Variants in CLEC16A observed in about 807,000 individuals in gnomAD.
CLEC16A encodes C-type lectin domain containing 16A.
A neutral mutation model predicts 109.5 loss-of-function variants in CLEC16A; 51 were observed. The ratio of observed to expected loss-of-function variants is 0.47; its 90% confidence interval spans 0.37 to 0.59. The LOEUF (loss-of-function observed/expected upper bound fraction) is 0.59. Ranked by LOEUF, CLEC16A falls within the 20% of genes least tolerant of loss-of-function variation. CLEC16A has a pLI of 0.00. For synonymous variants in CLEC16A, 673 were observed against 564.2 expected (o/e 1.19, Z -2.73); for missense variants, 1,339 against 1,394.0 (o/e 0.96, Z 0.63).
rs1022818452 is a variant in CLEC16A, at chr16:11,174,868, A to G, written c.2807-3467A>G. ...CTCCCTTTCTGAGTGGCACCCACACAGCAGTGAGGCTGATCCATGGGCCAC... is the reference window on the plus strand; with the variant it reads ...CTCCCTTTCTGAGTGGCACCCACACGGCAGTGAGGCTGATCCATGGGCCAC... On this transcript the variant is annotated intron_variant, in intron 23 of 23. Transcript: ENST00000409790. This position sits in a 1 kb window ranked among gnomAD's most constrained non-coding sequence, Gnocchi z 4.7. Among the ~76,000 whole-genome samples, 2 of 152,338 alleles carry G rather than the reference A, an allele frequency of 1.3e-5. No individual in the cohort carries two copies. Among genetic ancestry groups the G allele is most frequent in the Non-Finnish European group, 2.9e-5 (2 of 68,034 alleles).
At chr16:11,130,696 C>G (rs1217728225) in intron 22 of CLEC16A, among the ~76,000 whole-genome samples, 1 of 152,196 alleles carries the variant, frequency 6.6e-6, no homozygotes, top group African/African-American at 2.4e-5. Flanking sequence ...CACTTCCCAC[C>G]CTCCACAATG....
intron 11 of CLEC16A, among the ~76,000 whole-genome samples, chr16:11,012,362 G>A (rs1349826923): frequency 1.3e-5 from 2 of 152,184 alleles, no homozygotes; most frequent in Non-Finnish European, 2.9e-5. Flanking sequence ...TTGGGAGGCC[G>A]AGGTGGGCGG....
chr16:10,971,287 C>G, intron 5 of CLEC16A, 57 bp downstream of exon 5: 1 of 1,256,926 alleles, frequency 8.0e-7, no homozygotes, highest in Non-Finnish European at 1.2e-6. Flanking sequence ...AGCAAGCACT[C>G]ACTCCCGTGT....
chr16:11,020,540 C>G lies in CLEC16A; in HGVS notation c.1436+215C>G, dbSNP rs560958985. ...ATGCTCACTCCTTTGCAAAGAGATT[C>G]GCCAGGATAGCGCAACTCTCTCCCT... is the stretch of plus-strand genomic sequence containing the variant. On this transcript the variant is annotated intron_variant, in intron 12 of 23. Transcript: ENST00000409790. Among the ~76,000 whole-genome samples the G allele has an allele frequency of 7.8e-5, 10 of 128,134 alleles. No homozygotes were observed. In the South Asian group the frequency reaches 2.4e-3, roughly 31 times the overall value. The allele number at this position is 128,134 out of a possible 152,430, so 84.1% of individuals were successfully genotyped here. A position where few individuals can be genotyped will look rare whatever the true frequency, so the allele number is the denominator to read the frequency against.
intron 11 of CLEC16A, among the ~76,000 whole-genome samples, chr16:11,010,894 A>G (rs1210659846): frequency 6.6e-6 from 1 of 152,088 alleles, no homozygotes; most frequent in East Asian, 1.9e-4. Flanking sequence ...TTCTAATAAA[A>G]CGTCCTTCAT....
At chr16:11,155,241 A>G (rs775221052) in intron 22 of CLEC16A, among the ~76,000 whole-genome samples, 1 of 151,980 alleles carries the variant, frequency 6.6e-6, no homozygotes, top group Non-Finnish European at 1.5e-5. Context: ...AGATTGCGTT[A>G]ATGCTTTCAT....
In CLEC16A at chr16:11,115,825, A is replaced by G. The variant is rs144200354; in HGVS notation, c.2117-4790A>G. Among the ~76,000 whole-genome samples the G allele has an allele frequency of 4.1e-4, 62 of 152,026 alleles. 1 individual carries two copies. In the East Asian group the frequency reaches 0.012, roughly 28 times the overall value. On this transcript the variant is annotated intron_variant, in intron 19 of 23. Transcript: ENST00000409790. The stretch of plus-strand genomic sequence containing the variant: ...GAACTAAAAATTCATCATAAGATAA[A>G]CATACTATTGTACATTTTATGTTAA...
intron 19 of CLEC16A, among the ~76,000 whole-genome samples, chr16:11,119,526 G>A (rs2052246533): frequency 6.6e-6 from 1 of 152,172 alleles, no homozygotes. Context: ...GAGTGGCTGA[G>A]ACTACAGGTG....
At chr16:11,152,218 T>G (rs946700980) in intron 22 of CLEC16A, among the ~76,000 whole-genome samples, 1 of 152,188 alleles carries the variant, frequency 6.6e-6, no homozygotes, top group African/African-American at 2.4e-5. Flanking sequence ...GTGGAAGCCT[T>G]AGGCCGGTCA....
At chr16:11,033,621 T>A (rs1433525884) in intron 13 of CLEC16A, among the ~76,000 whole-genome samples, 1 of 152,206 alleles carries the variant, frequency 6.6e-6, no homozygotes, top group African/African-American at 2.4e-5. Context: ...CAGCCTCACT[T>A]TTCCAGATCC....
At chr16:10,985,419 G>T (rs528225195) in intron 10 of CLEC16A, among the ~76,000 whole-genome samples, 4 of 151,950 alleles carry the variant, frequency 2.6e-5, no homozygotes, top group Non-Finnish European at 5.9e-5. Context: ...ACGTTTCTAC[G>T]GGAAGCTTCG....
chr16:10,962,665 C>T, intron 3 of CLEC16A, 77 bp downstream of exon 3: 5 of 1,494,308 alleles, frequency 3.3e-6, no homozygotes, highest in Non-Finnish European at 3.7e-6. Context: ...TTTTCTGTGT[C>T]TGCGCTTACT....
Position 11,024,912 on chromosome 16 carries a change from C to G in CLEC16A, c.1528C>G (p.His510Asp). ...FVLCLLYAMS[H>D]NKGMDPEKLE... Reference sequence around the variant, plus strand: ...GCTCTGCCTCCTCTATGCCATGTCTCATAATAAAGGTAAGCACCCTTGCCT... The same window carrying G: ...GCTCTGCCTCCTCTATGCCATGTCTGATAATAAAGGTAAGCACCCTTGCCT... The change falls in exon 13 of 24, where the codon CAT becomes GAT. Residue 510 changes from histidine to aspartate, a missense_variant. This residue lies in a region of CLEC16A where 1,061 missense variants were observed against 1,006.8 expected (regional missense o/e 1.05). Transcript: ENST00000409790. The G allele has an allele frequency of 6.2e-7, 1 of 1,606,490 alleles. No individual in the cohort carries two copies. Among genetic ancestry groups the G allele is most frequent in the Non-Finnish European group, 8.5e-7 (1 of 1,176,270 alleles).
At chr16:11,061,231 C>G (rs2048464507) in intron 19 of CLEC16A, among the ~76,000 whole-genome samples, 1 of 152,212 alleles carries the variant, frequency 6.6e-6, no homozygotes, top group East Asian at 1.9e-4. Flanking sequence ...TTTGAGGGTT[C>G]TGCTTTCACA....
intron 19 of CLEC16A, among the ~76,000 whole-genome samples, chr16:11,104,621 G>A (rs924850524): frequency 1.3e-5 from 2 of 152,170 alleles, no homozygotes; most frequent in Non-Finnish European, 2.9e-5. Flanking sequence ...TCTCTCCAGA[G>A]GGAGGAAGGA....
At position 11,039,774 on chromosome 16, in the gene CLEC16A, G is replaced by C. The variant is rs1441687612; in HGVS notation, c.1558G>C (p.Glu520Gln). ...TCCAGGCATGGATCCTGAAAAATTA[G>C]AGCGAATCCAGCTCCCCGTGCCAAA... ...HNKGMDPEKL[E>Q]RIQLPVPNAA... is the part of the protein sequence containing the mutation. The change falls in exon 14 of 24, where the codon GAG becomes CAG. Residue 520 changes from glutamate (E) to glutamine (Q), a missense_variant. Around this residue, in one of 3 missense-constraint regions of CLEC16A, gnomAD observed 1,061 missense variants for 1,006.8 expected, o/e 1.05. Transcript: ENST00000409790. 3.1e-6 allele frequency: 5 copies of C among 1,603,080 alleles called. No homozygotes were observed. The African/African-American group carries it at 5.4e-5, about 17-fold the overall frequency.
intron 22 of CLEC16A, among the ~76,000 whole-genome samples, chr16:11,146,539 G>C (rs914428584): frequency 6.6e-6 from 1 of 151,022 alleles, no homozygotes; most frequent in African/African-American, 2.4e-5. Flanking sequence ...TAGAAGGATG[G>C]ATGGGTATAG....
At chr16:10,948,036 G>A (rs893273390) in intron 1 of CLEC16A, among the ~76,000 whole-genome samples, 8 of 152,062 alleles carry the variant, frequency 5.3e-5, no homozygotes, top group Non-Finnish European at 8.8e-5. Context: ...TGGGACTACA[G>A]GCGCCCGCCA....
In CLEC16A at chr16:11,166,432, C is replaced by T. The variant is rs1351462345; in HGVS notation, c.2686C>T (p.Leu896=). The change falls in exon 23 of 24, where the codon CTG becomes TTG. Residue 896 remains leucine, a synonymous_variant. Coordinates refer to ENST00000409790, the MANE Select transcript of CLEC16A (RefSeq NM_015226.3). ...CATAAACCAGCACAGCTCCCCGTCC[C>T]TGTCCTCACAGTCGCCACCCTCCGC... ...QCINQHSSPS[L]SSQSPPSASG... is the part of the protein sequence containing the mutation. 1 of 1,606,948 alleles carries T rather than the reference C, an allele frequency of 6.2e-7. No homozygotes were observed. The highest frequency in any genetic ancestry group is 1.1e-5 in the South Asian group (1 of 90,978).
Sources: gnomAD v4.1 joint callset for allele counts (sites outside exome capture counted in the v4.1 genomes callset) on GRCh38, gnomAD v4.1.1 for gene constraint, gnomAD v4.1.1 regional missense constraint, Gnocchi (gnomAD v3.1) non-coding constraint, MANE v1.5 for transcripts, NCBI Gene and HGNC (gene_info 2026-07-23, HGNC 2026-07-21) for gene names.